GPM6A: variants seen among roughly 807,000 people sequenced by gnomAD.
The protein encoded by GPM6A is neuronal membrane glycoprotein M6-a.
Under a neutral mutation model 32.1 loss-of-function variants are expected in GPM6A, and 7 were observed. That is an observed-to-expected ratio of 0.22 (90% CI 0.12 to 0.41). The LOEUF (loss-of-function observed/expected upper bound fraction) is 0.41, where lower values mean the gene tolerates loss of function less well. Ranked by LOEUF, GPM6A falls within the 10% of genes least tolerant of loss-of-function variation. The pLI is 1.00. For synonymous variants in GPM6A, 130 were observed against 123.4 expected (o/e 1.05, Z -0.35); for missense variants, 235 against 347.2 (o/e 0.68, Z 2.57).
At chr4:175,830,484 T>G (rs1196210412) in intron 1 of GPM6A, among the ~76,000 whole-genome samples, 1 of 152,214 alleles carries the variant, frequency 6.6e-6, no homozygotes, top group Non-Finnish European at 1.5e-5. Flanking sequence ...TTCACACATA[T>G]ATCATCCCAT....
chr4:175,717,577 A>G (rs557018425), intron 1 of GPM6A, among the ~76,000 whole-genome samples: 1 of 152,330 alleles, frequency 6.6e-6, no homozygotes, highest in South Asian at 2.1e-4. Context: ...ATATAGACAT[A>G]GACATGAGTA....
intron 2 of GPM6A, among the ~76,000 whole-genome samples, chr4:175,693,608 G>A (rs571998643): frequency 6.6e-6 from 1 of 152,026 alleles, no homozygotes; most frequent in African/African-American, 2.4e-5. Context: ...TTCTTTATAT[G>A]ATGCCAAGAA....
At chr4:175,741,004 G>A (rs900239586) in intron 1 of GPM6A, among the ~76,000 whole-genome samples, 1 of 152,026 alleles carries the variant, frequency 6.6e-6, no homozygotes, top group African/African-American at 2.4e-5. Context: ...CCATTATCAT[G>A]ATTTTGAAAA....
intron 1 of GPM6A, among the ~76,000 whole-genome samples, chr4:175,830,709 G>T (rs562326216): frequency 1.6e-4 from 24 of 151,914 alleles, no homozygotes; most frequent in African/African-American, 3.6e-4. Flanking sequence ...AAAATAGAAG[G>T]TTCTTACTAT....
intron 1 of GPM6A, among the ~76,000 whole-genome samples, chr4:175,772,543 G>A (rs1733232687): frequency 6.6e-6 from 1 of 152,098 alleles, no homozygotes; most frequent in Non-Finnish European, 1.5e-5. Context: ...TTTAGACTGG[G>A]AAACCTTCCT....
chr4:175,887,857 C>T (rs1049153938), intron 1 of GPM6A, among the ~76,000 whole-genome samples: 1 of 151,734 alleles, frequency 6.6e-6, no homozygotes, highest in Non-Finnish European at 1.5e-5. Flanking sequence ...TAAAAATTTG[C>T]CCACTGATCA....
At chr4:175,684,718 T>C (rs1478215282) in intron 2 of GPM6A, among the ~76,000 whole-genome samples, 1 of 152,302 alleles carries the variant, frequency 6.6e-6, no homozygotes, top group East Asian at 1.9e-4. Context: ...GTCCTTTCCA[T>C]TCTGTTCCAT....
chr4:175,953,433 T>C (rs1451084893), intron 1 of GPM6A, among the ~76,000 whole-genome samples: 1 of 152,186 alleles, frequency 6.6e-6, no homozygotes, highest in East Asian at 1.9e-4. Context: ...AAGAATGCAC[T>C]TTCTAACCAC....
chr4:175,713,496 G>T (rs1321742836), intron 1 of GPM6A, among the ~76,000 whole-genome samples: 2 of 152,118 alleles, frequency 1.3e-5, no homozygotes, highest in Non-Finnish European at 2.9e-5. Context: ...CTGCCTGATA[G>T]TCCCTATTTT....
At chr4:175,803,875 A>G (rs1734574848) in intron 1 of GPM6A, among the ~76,000 whole-genome samples, 1 of 152,130 alleles carries the variant, frequency 6.6e-6, no homozygotes, top group Admixed American at 6.5e-5. Context: ...CTCAATTACA[A>G]CTTTCTACTG....
intron 1 of GPM6A, among the ~76,000 whole-genome samples, chr4:175,919,311 T>C (rs1738594714): frequency 6.6e-6 from 1 of 152,168 alleles, no homozygotes; most frequent in African/African-American, 2.4e-5. Flanking sequence ...AGGTGACTTG[T>C]GGGTCTCACT....
At chr4:175,725,667 A>C (rs1440166026) in intron 1 of GPM6A, among the ~76,000 whole-genome samples, 2 of 152,176 alleles carry the variant, frequency 1.3e-5, no homozygotes, top group Non-Finnish European at 2.9e-5. Flanking sequence ...ATTCAAACGT[A>C]AATGATCAGC....
intron 1 of GPM6A, among the ~76,000 whole-genome samples, chr4:175,933,709 ATT>A (rs962725973): frequency 2.6e-4 from 39 of 151,792 alleles, no homozygotes; most frequent in Middle Eastern, 6.8e-3. Flanking sequence ...TGCCCGGCTA[ATT>A]TTTTTTGTAT....
At chr4:175,810,800 A>G (rs1734888309) in intron 1 of GPM6A, among the ~76,000 whole-genome samples, 1 of 152,184 alleles carries the variant, frequency 6.6e-6, no homozygotes, top group Non-Finnish European at 1.5e-5. Flanking sequence ...ATGTCTTGTA[A>G]GAACAGAAAT....
At chr4:175,847,041 C>A (rs774977208) in intron 1 of GPM6A, among the ~76,000 whole-genome samples, 1 of 152,052 alleles carries the variant, frequency 6.6e-6, no homozygotes, top group Non-Finnish European at 1.5e-5. Context: ...TCAAACAATA[C>A]TAAAACATAT....
intron 5 of GPM6A, 75 bp from the exon 6 acceptor site, chr4:175,640,269 T>C (rs1412220758): frequency 8.8e-7 from 1 of 1,136,020 alleles, no homozygotes; most frequent in Non-Finnish European, 1.3e-6. Flanking sequence ...GCTACTGTCT[T>C]ATAAACAAGA....
At chr4:175,992,468 T>C (rs990816001) in intron 1 of GPM6A, among the ~76,000 whole-genome samples, 2 of 152,204 alleles carry the variant, frequency 1.3e-5, no homozygotes, top group African/African-American at 4.8e-5. Flanking sequence ...AATGCTGCTA[T>C]GGGAGCATCA....
At chr4:175,965,904 G>T (rs370979209) in intron 1 of GPM6A, among the ~76,000 whole-genome samples, 1 of 152,012 alleles carries the variant, frequency 6.6e-6, no homozygotes, top group African/African-American at 2.4e-5. Context: ...GAGCCACCAC[G>T]CCTGGCCAAG....
chr4:175,831,246 A>G (rs1255534763), intron 1 of GPM6A, among the ~76,000 whole-genome samples: 2 of 152,220 alleles, frequency 1.3e-5, no homozygotes, highest in African/African-American at 4.8e-5. Context: ...CTAATAGATT[A>G]TATACTTTAG....
Sources: gnomAD v4.1 joint callset for allele counts (sites outside exome capture counted in the v4.1 genomes callset) on GRCh38, gnomAD v4.1.1 for gene constraint, MANE v1.5 for transcripts, NCBI Gene and HGNC (gene_info 2026-07-23, HGNC 2026-07-21) for gene names.